The following TRPS1 variants were observed in gnomAD, a reference collection of about 807,000 sequenced individuals.
TRPS1 encodes zinc finger transcription factor Trps1.
TRPS1 carries 6 observed loss-of-function variants against 101.2 expected under a neutral mutation model. That is an observed-to-expected ratio of 0.06 (90% CI 0.03 to 0.12). The LOEUF is 0.12. Ranked by LOEUF, TRPS1 falls within the 10% of genes least tolerant of loss-of-function variation. The pLI, the probability that TRPS1 is intolerant of heterozygous loss-of-function variation, is 1.00. For missense variants in TRPS1, 1,363 were observed against 1,567.0 expected, an observed-to-expected ratio of 0.87 and a Z score of 2.20; for synonymous variants, 578 against 589.8, an observed-to-expected ratio of 0.98 and a Z score of 0.29.
At chr8:115,636,369 C>T (rs1384881391) in intron 1 of TRPS1, among the ~76,000 whole-genome samples, 1 of 152,140 alleles carries the variant, frequency 6.6e-6, no homozygotes, top group Non-Finnish European at 1.5e-5. Context: ...AAATGTCATA[C>T]ATACATTCTT....
rs192862120 is a variant in TRPS1 at position 115,465,658 on chromosome 8, T to C, written c.2701-47206A>G. On this transcript the variant is annotated intron_variant, in intron 5 of 6. Coordinates refer to ENST00000395715, the MANE Select transcript of TRPS1 (RefSeq NM_014112.5). ...AACACTTGAGAAGGAACTGAATCAC[T>C]GCACTATTATCCTAGAGCAGACCTA... is the stretch of plus-strand genomic sequence containing the variant. Among the ~76,000 whole-genome samples the C allele has an allele frequency of 2.6e-5, 4 of 152,262 alleles. No individual in the cohort carries two copies. The East Asian group carries it at 7.7e-4, about 29-fold the overall frequency.
intron 5 of TRPS1, among the ~76,000 whole-genome samples, chr8:115,548,173 G>T (rs1234198598): frequency 2.0e-5 from 3 of 152,052 alleles, no homozygotes; most frequent in African/African-American, 7.2e-5. Context: ...GGTTGAGGCT[G>T]CAGTGAGCCA....
In TRPS1 at chr8:115,409,716, C is replaced by T. The variant is rs1020671478; in HGVS notation, c.*4307G>A. On this transcript the variant is annotated 3_prime_UTR_variant, in exon 7 of 7. Coordinates refer to ENST00000395715, the MANE Select transcript of TRPS1 (RefSeq NM_014112.5). ...TCTTTGGGAAAATAACAATGCCCTCCAAAGTCCCGACGGGCGTCCTTCTAT... is the reference window on the plus strand; with the variant it reads ...TCTTTGGGAAAATAACAATGCCCTCTAAAGTCCCGACGGGCGTCCTTCTAT... 6.6e-6 allele frequency: 1 copy of T among 152,074 alleles called. No individual in the cohort carries two copies. Among genetic ancestry groups the T allele is most frequent in the Non-Finnish European group, 1.5e-5 (1 of 67,996 alleles). The allele number at this position is 152,074 out of a possible 1,614,324, so 9.4% of individuals were successfully genotyped here.
At chr8:115,431,658 T>C (rs1330372828) in intron 5 of TRPS1, among the ~76,000 whole-genome samples, 2 of 151,974 alleles carry the variant, frequency 1.3e-5, no homozygotes, top group Non-Finnish European at 2.9e-5. Flanking sequence ...ACATTGTAGA[T>C]CACATTCCCT....
At chr8:115,548,677 C>A (rs767707712) in intron 5 of TRPS1, among the ~76,000 whole-genome samples, 2 of 152,174 alleles carry the variant, frequency 1.3e-5, no homozygotes, top group Non-Finnish European at 2.9e-5. Context: ...CACATTAAAA[C>A]CTTTAACATT....
At chr8:115,493,374 GAC>G (rs1358699141) in intron 5 of TRPS1, among the ~76,000 whole-genome samples, 2 of 151,998 alleles carry the variant, frequency 1.3e-5, no homozygotes, top group African/African-American at 4.8e-5. Flanking sequence ...ATTTATTTGA[GAC>G]ACAGTTTGGC....
At chr8:115,650,077 T>A (rs1486388874) in intron 1 of TRPS1, among the ~76,000 whole-genome samples, 1 of 152,202 alleles carries the variant, frequency 6.6e-6, no homozygotes, top group Admixed American at 6.5e-5. Context: ...AAATTTCGCC[T>A]ACTCACTTTC....
intron 1 of TRPS1, among the ~76,000 whole-genome samples, chr8:115,636,182 T>C (rs575820301): frequency 6.7e-4 from 102 of 152,168 alleles, no homozygotes; most frequent in African/African-American, 2.3e-3. Context: ...TACATACATA[T>C]AATTTATTTT....
At chr8:115,546,943 C>T (rs1161951230) in intron 5 of TRPS1, among the ~76,000 whole-genome samples, 1 of 152,124 alleles carries the variant, frequency 6.6e-6, no homozygotes, top group Non-Finnish European at 1.5e-5. Context: ...GTTAACTGTT[C>T]CCACAAAGTC....
At chr8:115,504,378 G>A (rs980406992) in intron 5 of TRPS1, among the ~76,000 whole-genome samples, 4 of 152,006 alleles carry the variant, frequency 2.6e-5, no homozygotes, top group African/African-American at 9.7e-5. Flanking sequence ...ATGATACATG[G>A]GTGGAACAAA....
intron 5 of TRPS1, among the ~76,000 whole-genome samples, chr8:115,526,365 G>C (rs1403913062): frequency 6.6e-6 from 1 of 152,062 alleles, no homozygotes; most frequent in Non-Finnish European, 1.5e-5. Context: ...TGGTAATGCT[G>C]GTAATACTAG....
rs563710960 is a variant in TRPS1, at chr8:115,414,944, G to C, written c.2964C>G (p.Val988=). 6.3e-7 allele frequency: 1 copy of C among 1,595,520 alleles called. No homozygotes were observed. Among genetic ancestry groups the C allele is most frequent in the African/African-American group, 1.3e-5 (1 of 74,110 alleles). ...ACCTCCTCTCTAACGGGCTTCCATTGACTTGCTCCTCATTGCTGCCCCTCT... is the reference window on the plus strand; with the variant it reads ...ACCTCCTCTCTAACGGGCTTCCATTCACTTGCTCCTCATTGCTGCCCCTCT... The part of the protein sequence containing the change: ...KQQRGSNEEQ[V]NGSPLERRSE... Residue 988 remains valine (V), a synonymous_variant, in exon 7 of 7, where the codon GTC becomes GTG. Coordinates refer to ENST00000395715, the MANE Select transcript of TRPS1 (RefSeq NM_014112.5). The surrounding 1 kb of genome is among the most constrained non-coding windows in gnomAD (Gnocchi z 4.8).
At position 115,604,054 on chromosome 8, in the gene TRPS1, C is replaced by T. The variant is rs181507248; in HGVS notation, c.1915G>A (p.Val639Ile). ...TCATAGTGAAAGAGGAGTACATCTACGTCAGGGGTGGTGAATGAACACTGA... is the reference window on the plus strand; with the variant it reads ...TCATAGTGAAAGAGGAGTACATCTATGTCAGGGGTGGTGAATGAACACTGA... ...CHQCSFTTPD[V>I]DVLLFHYESV... Residue 639 changes from valine to isoleucine, a missense_variant, in exon 4 of 7, where the codon GTA becomes ATA. Around this residue, in one of 5 missense-constraint regions of TRPS1, gnomAD observed 1,020 missense variants for 1,073.0 expected, o/e 0.95. Transcript: ENST00000395715. The surrounding 1 kb of genome is among the most constrained non-coding windows in gnomAD (Gnocchi z 4.1). 8.1e-6 allele frequency: 13 copies of T among 1,614,000 alleles called. No homozygotes were observed. Among genetic ancestry groups the T allele is most frequent in the South Asian group, 3.3e-5 (3 of 91,086 alleles).
At position 115,487,714 on chromosome 8, in the gene TRPS1, G is replaced by T. The variant is rs144514789; in HGVS notation, c.2701-69262C>A. On this transcript the variant is annotated intron_variant, in intron 5 of 6. Coordinates refer to ENST00000395715, the MANE Select transcript of TRPS1 (RefSeq NM_014112.5). ...AGCAAGATAACTAGAATTACAAGTT[G>T]AGCCTGAAGATGTAACTGATTGCTG... Among the ~76,000 whole-genome samples, 330 of 152,290 alleles carry T rather than the reference G, an allele frequency of 2.2e-3. 1 individual carries two copies. The highest frequency in any genetic ancestry group is 6.8e-3 in the Middle Eastern group (2 of 292).
At chr8:115,553,352 T>C (rs890509386) in intron 5 of TRPS1, among the ~76,000 whole-genome samples, 2 of 152,036 alleles carry the variant, frequency 1.3e-5, no homozygotes, top group Admixed American at 6.6e-5. Context: ...AAATAAATAA[T>C]GACTGAATCA....
intron 1 of TRPS1, among the ~76,000 whole-genome samples, chr8:115,648,345 C>G (rs1811473073): frequency 6.6e-6 from 1 of 152,150 alleles, no homozygotes; most frequent in Admixed American, 6.5e-5. Context: ...AGAGAGGTAA[C>G]CGGAGGGAAC....
chr8:115,662,946 A>G (rs1341758468), intron 1 of TRPS1, among the ~76,000 whole-genome samples: 1 of 152,128 alleles, frequency 6.6e-6, no homozygotes, highest in Non-Finnish European at 1.5e-5. Context: ...TTATATAAAC[A>G]TATTCTTTGA....
At chr8:115,477,615 C>T (rs1814638061) in intron 5 of TRPS1, among the ~76,000 whole-genome samples, 2 of 152,172 alleles carry the variant, frequency 1.3e-5, no homozygotes, top group African/African-American at 2.4e-5. Context: ...CCAGCTTAGA[C>T]TCATAATGTT....
At chr8:115,567,476 G>A (rs1035943513) in intron 5 of TRPS1, among the ~76,000 whole-genome samples, 1 of 151,952 alleles carries the variant, frequency 6.6e-6, no homozygotes, top group African/African-American at 2.4e-5. Context: ...CCAGGAATTT[G>A]GCAAAGAAGG....
Sources: allele counts gnomAD v4.1 joint callset (sites outside exome capture counted in the v4.1 genomes callset), GRCh38; gene constraint gnomAD v4.1.1; regional missense constraint gnomAD v4.1.1; non-coding constraint Gnocchi (gnomAD v3.1); transcripts MANE v1.5; gene names NCBI Gene and HGNC (gene_info 2026-07-23, HGNC 2026-07-21).